The following CRYZ variants were observed in gnomAD, a reference collection of about 807,000 sequenced individuals.
CRYZ encodes zeta-crystallin.
Under a neutral mutation model 34.1 loss-of-function variants are expected in CRYZ, and 35 were observed. The ratio of observed to expected loss-of-function variants is 1.03; its 90% CI spans 0.78 to 1.36. The LOEUF is 1.36. CRYZ is among the 40% of genes most tolerant of loss of function. The probability of loss-of-function intolerance (pLI) is 0.00; values close to 1 mark genes in which losing one functional copy is unlikely to be tolerated. For missense variants in CRYZ, 403 were observed against 391.8 expected, an observed-to-expected ratio of 1.03 and a Z score of -0.24; for synonymous variants, 137 against 136.5, an observed-to-expected ratio of 1.00 and a Z score of -0.03.
chr1:74,709,900 A>G (rs1353739104), intron 6 of CRYZ, among the ~76,000 whole-genome samples, 198 bp downstream of exon 6: 1 of 152,224 alleles, frequency 6.6e-6, no homozygotes, highest in Non-Finnish European at 1.5e-5. Flanking sequence ...CACATAAACA[A>G]TACAAAAATG....
intron 6 of CRYZ, 121 bp from the exon 7 acceptor site, chr1:74,707,325 G>A (rs1646944322): frequency 1.7e-6 from 1 of 601,594 alleles, no homozygotes; most frequent in South Asian, 2.2e-5. Flanking sequence ...ACATCTTTGA[G>A]ACTAATAATG....
At chr1:74,710,001 C>A in intron 6 of CRYZ, 97 bp downstream of exon 6, 2 of 966,528 alleles carry the variant, frequency 2.1e-6, no homozygotes, top group East Asian at 2.6e-5. Context: ...AGGAAGCAAA[C>A]AGCTTTAAAG....
chr1:74,724,373 C>A (rs1435081181), intron 2 of CRYZ, among the ~76,000 whole-genome samples: 1 of 152,090 alleles, frequency 6.6e-6, no homozygotes, highest in Non-Finnish European at 1.5e-5. Context: ...ATTGTTTTCC[C>A]AGCATGCAAA....
intron 1 of CRYZ, chr1:74,730,266 G>T (rs1186705898): frequency 6.6e-6 from 1 of 152,072 alleles, no homozygotes; most frequent in Non-Finnish European, 1.5e-5. Context: ...GAAAGTGATG[G>T]GGCATGGCCT....
chr1:74,716,834 C>CT (rs1192160097), intron 4 of CRYZ, among the ~76,000 whole-genome samples: 1 of 152,082 alleles, frequency 6.6e-6, no homozygotes, highest in Non-Finnish European at 1.5e-5. Context: ...GCTCTCATTT[C>CT]TTTTGCACCA....
At chr1:74,727,199 C>T (rs180720070) in intron 1 of CRYZ, among the ~76,000 whole-genome samples, 1 of 78,384 alleles carries the variant, frequency 1.3e-5, no homozygotes, top group East Asian at 2.0e-4. Context: ...CTAATGGTAC[C>T]TATTTACCGT....
chr1:74,729,054 A>G (rs993952704), intron 1 of CRYZ, among the ~76,000 whole-genome samples: 2 of 152,208 alleles, frequency 1.3e-5, no homozygotes, highest in Admixed American at 6.5e-5. Context: ...TGAAAGTATC[A>G]AGAAAATAAA....
intron 5 of CRYZ, among the ~76,000 whole-genome samples, chr1:74,711,565 G>T (rs1647003912): frequency 6.6e-6 from 1 of 152,208 alleles, no homozygotes; most frequent in South Asian, 2.1e-4. Context: ...TGAGAAGACT[G>T]GAGAACACTA....
chr1:74,724,749 G>C lies in CRYZ; in HGVS notation c.73C>G (p.Arg25Gly). 6.2e-7 allele frequency: 1 copy of C among 1,612,676 alleles called. No individual in the cohort carries two copies. The highest frequency in any genetic ancestry group is 8.5e-7 in the Non-Finnish European group (1 of 1,179,284). The change falls in exon 2 of 9, where the codon CGA (arginine) becomes GGA (glycine). Residue 25 changes from arginine (R) to glycine (G), a missense_variant. Physicochemically the swap from Arg to Gly is moderately radical, Grantham distance 125 (BLOSUM62 -2). Coordinates refer to ENST00000340866, the MANE Select transcript of CRYZ (RefSeq NM_001889.4). ...GGAATCGGTACTGCAATATCTGATC[G>C]CAATTTCAGGACTTCTGGCCCACCA... ...EFGGPEVLKL[R>G]SDIAVPIPKD... is the part of the protein sequence containing the mutation.
chr1:74,725,538 A>G (rs527875616), intron 1 of CRYZ, among the ~76,000 whole-genome samples: 1 of 152,268 alleles, frequency 6.6e-6, no homozygotes, highest in East Asian at 1.9e-4. Flanking sequence ...CCCATGACAC[A>G]TGGGAATTAT....
chr1:74,716,195 C>CAT (rs1647071395), intron 4 of CRYZ, among the ~76,000 whole-genome samples: 3 of 147,246 alleles, frequency 2.0e-5, no homozygotes, highest in African/African-American at 7.4e-5. Flanking sequence ...AATCTGTGTG[C>CAT]GCGTGTGTGT....
At chr1:74,732,746 C>G (rs1205866093) in intron 1 of CRYZ, 1 of 155,902 alleles carries the variant, frequency 6.4e-6, no homozygotes, top group African/African-American at 2.4e-5. Context: ...GAGCCCAGGA[C>G]CAGAAGGCAA....
At chr1:74,729,221 G>C (rs561246272) in intron 1 of CRYZ, among the ~76,000 whole-genome samples, 2 of 151,556 alleles carry the variant, frequency 1.3e-5, no homozygotes, top group East Asian at 3.9e-4. Flanking sequence ...TATCATGTGG[G>C]AGCCACATGG....
In CRYZ at chr1:74,714,608, T is replaced by A; in HGVS notation, c.451A>T (p.Ser151Cys). Residue 151 changes from serine to cysteine, a missense_variant, in exon 5 of 9, where the codon AGT becomes TGT. Ser to Cys is a moderately radical substitution (Grantham distance 112). Transcript: ENST00000340866. ...CCACTTGCCCCATGAACCAGAACACTCTCTCCAGCTTTCACACAGGCACTG... is the reference window on the plus strand; with the variant it reads ...CCACTTGCCCCATGAACCAGAACACACTCTCCAGCTTTCACACAGGCACTG... ...IHSACVKAGE[S>C]VLVHGASGGV... 1 of 1,613,644 alleles carries A rather than the reference T, an allele frequency of 6.2e-7. No individual in the cohort carries two copies. The highest frequency in any genetic ancestry group is 8.5e-7 in the Non-Finnish European group (1 of 1,179,734).
Position 74,706,814 on chromosome 1 carries a change from C to A in CRYZ, c.828+85G>T, listed in dbSNP as rs866228602. On this transcript the variant is annotated intron_variant, in intron 8 of 8. Coordinates refer to ENST00000340866, the MANE Select transcript of CRYZ (RefSeq NM_001889.4). Reference sequence around the variant, plus strand: ...CCACTAGTCATATAACTAAGTTTAACATCTATTCAAACTTTCAGCTTGCCT... The same window carrying A: ...CCACTAGTCATATAACTAAGTTTAAAATCTATTCAAACTTTCAGCTTGCCT... 22 of 1,100,278 alleles carry A rather than the reference C, an allele frequency of 2.0e-5. No individual in the cohort carries two copies. In the African/African-American group the frequency reaches 3.4e-4, roughly 17 times the overall value. The allele number at this position is 1,100,278 out of a possible 1,614,324, so 68.2% of individuals were successfully genotyped here.
chr1:74,720,350 G>C (rs1215585408), intron 3 of CRYZ, among the ~76,000 whole-genome samples: 1 of 152,058 alleles, frequency 6.6e-6, no homozygotes, highest in African/African-American at 2.4e-5. Context: ...CACGGCACCA[G>C]AAACACAGTA....
rs1232755644 is a variant in CRYZ, at chr1:74,724,734, C to T, written c.88G>A (p.Val30Ile). 3 of 1,610,924 alleles carry T rather than the reference C, an allele frequency of 1.9e-6. No homozygotes were observed. Among genetic ancestry groups the T allele is most frequent in the Non-Finnish European group, 2.5e-6 (3 of 1,177,964 alleles). Residue 30 changes from valine to isoleucine, a missense_variant, in exon 2 of 9, where the codon GTA becomes ATA. Transcript: ENST00000340866. The part of the protein sequence containing the change: ...EVLKLRSDIA[V>I]PIPKDHQVLI... ...ACCTGATGGTCTTTTGGAATCGGTA[C>T]TGCAATATCTGATCGCAATTTCAGG...
chr1:74,724,862 GTCACATTGTATC>G (rs749777486), intron 1 of CRYZ, 28 bp from the exon 2 acceptor site: 2 of 1,312,788 alleles, frequency 1.5e-6, no homozygotes, highest in Admixed American at 1.8e-5. Context: ...TTAATGTATT[GTCACATTGTATC>G]TAGGATATCA....
intron 4 of CRYZ, among the ~76,000 whole-genome samples, chr1:74,717,008 A>G (rs1223727498): frequency 1.3e-5 from 2 of 152,072 alleles, no homozygotes; most frequent in African/African-American, 4.8e-5. Flanking sequence ...CCTCCTACTT[A>G]ATTGTGAAAA....
Sources: gnomAD v4.1 joint callset for allele counts (sites outside exome capture counted in the v4.1 genomes callset) on GRCh38, gnomAD v4.1.1 for gene constraint, MANE v1.5 for transcripts, NCBI Gene and HGNC (gene_info 2026-07-23, HGNC 2026-07-21) for gene names.